KSR2: variants seen among roughly 807,000 people sequenced by gnomAD.
KSR2 encodes kinase suppressor of ras 2.
KSR2 carries 25 observed loss-of-function variants against 107.8 expected under a neutral mutation model. That is an observed-to-expected ratio of 0.23 (90% CI 0.17 to 0.32). The LOEUF is 0.32. Ranked by LOEUF, KSR2 falls within the 10% of genes least tolerant of loss-of-function variation. The pLI, the probability that KSR2 is intolerant of heterozygous loss-of-function variation, is 1.00. For missense variants in KSR2, 887 were observed against 1,268.9 expected (o/e 0.70, Z 4.57); for synonymous variants, 480 against 507.0 (o/e 0.95, Z 0.71).
chr12:117,839,244 C>T (rs1226601066), intron 3 of KSR2, among the ~76,000 whole-genome samples: 2 of 152,176 alleles, frequency 1.3e-5, no homozygotes, highest in African/African-American at 2.4e-5. Context: ...TTCATTTGTT[C>T]GTTAATTCAT....
At chr12:117,720,651 A>G (rs1887171114) in intron 4 of KSR2, among the ~76,000 whole-genome samples, 1 of 152,220 alleles carries the variant, frequency 6.6e-6, no homozygotes, top group South Asian at 2.1e-4. Flanking sequence ...AAGGGCTCAA[A>G]CATCAGACTG....
intron 4 of KSR2, chr12:117,674,257 G>C (rs1168553930): frequency 2.0e-6 from 1 of 502,112 alleles, no homozygotes. Flanking sequence ...CCAATGTTCT[G>C]GTCCAAGCCA....
At chr12:117,777,833 C>A (rs994142609) in intron 3 of KSR2, among the ~76,000 whole-genome samples, 2 of 151,978 alleles carry the variant, frequency 1.3e-5, no homozygotes, top group Non-Finnish European at 2.9e-5. Flanking sequence ...GAGTTTGAGG[C>A]CAGCCTGGGC....
At chr12:117,915,038 G>A (rs891662722) in intron 1 of KSR2, among the ~76,000 whole-genome samples, 4 of 152,150 alleles carry the variant, frequency 2.6e-5, no homozygotes, top group Non-Finnish European at 5.9e-5. Context: ...ATACAAGGTC[G>A]CCTAAAGCCG....
intron 5 of KSR2, among the ~76,000 whole-genome samples, chr12:117,608,901 G>T (rs1462944909): frequency 6.6e-6 from 1 of 152,110 alleles, no homozygotes; most frequent in Non-Finnish European, 1.5e-5. Context: ...CTTGTACACA[G>T]TTGGGGGGTA....
At chr12:117,870,080 A>G (rs1893600920) in intron 1 of KSR2, among the ~76,000 whole-genome samples, 1 of 152,204 alleles carries the variant, frequency 6.6e-6, no homozygotes, top group Admixed American at 6.5e-5. Flanking sequence ...ACACTATGCT[A>G]GGAGCTGTTC....
chr12:117,633,949 A>G (rs1034491903), intron 5 of KSR2, among the ~76,000 whole-genome samples: 4 of 152,314 alleles, frequency 2.6e-5, no homozygotes, highest in Admixed American at 2.6e-4. Flanking sequence ...CATATGGACC[A>G]GGCAGCCCTG....
intron 14 of KSR2, among the ~76,000 whole-genome samples, chr12:117,520,668 G>T (rs914431830): frequency 1.3e-5 from 2 of 152,064 alleles, no homozygotes; most frequent in African/African-American, 4.8e-5. Flanking sequence ...ATCTCCCTTT[G>T]TGCACCCACC....
intron 3 of KSR2, among the ~76,000 whole-genome samples, chr12:117,819,622 G>A (rs1181601017): frequency 3.3e-5 from 5 of 152,096 alleles, no homozygotes; most frequent in East Asian, 1.9e-4. Flanking sequence ...AAAATCTCAC[G>A]TTCAAAAGAA....
At chr12:117,830,747 A>G (rs1321242097) in intron 3 of KSR2, among the ~76,000 whole-genome samples, 2 of 152,176 alleles carry the variant, frequency 1.3e-5, no homozygotes, top group African/African-American at 2.4e-5. Context: ...CTCTAAAAAG[A>G]CAGCTGCAAC....
chr12:117,530,741 ATC>A (rs1875562053), intron 12 of KSR2, among the ~76,000 whole-genome samples, 198 bp downstream of exon 12: 1 of 152,124 alleles, frequency 6.6e-6, no homozygotes, highest in African/African-American at 2.4e-5. Flanking sequence ...CTCTCTCTCC[ATC>A]TCTCTGTCTG....
At chr12:117,604,646 T>C (rs1881133247) in intron 5 of KSR2, among the ~76,000 whole-genome samples, 1 of 152,168 alleles carries the variant, frequency 6.6e-6, no homozygotes, top group African/African-American at 2.4e-5. Context: ...TTTCCTAATT[T>C]TTATAGAAGC....
rs910252905 is a variant in KSR2 at position 117,897,680 on chromosome 12, T to A, written c.181-37249A>T. ...GAGGTTGGTAATTTTCCTATTTTTTTAAATGTGAGCTAGGTGACTTGGGTG... is the reference window on the plus strand; with the variant it reads ...GAGGTTGGTAATTTTCCTATTTTTTAAAATGTGAGCTAGGTGACTTGGGTG... On this transcript the variant is annotated intron_variant, in intron 1 of 19. Transcript: ENST00000339824. The surrounding 1 kb of genome is among the most constrained non-coding windows in gnomAD (Gnocchi z 4.5). Among the ~76,000 whole-genome samples, 1 of 152,052 alleles carries A rather than the reference T, an allele frequency of 6.6e-6. No homozygotes were observed. The highest frequency in any genetic ancestry group is 1.5e-5 in the Non-Finnish European group (1 of 68,018).
intron 14 of KSR2, among the ~76,000 whole-genome samples, chr12:117,516,256 G>A (rs746009991): frequency 2.6e-5 from 4 of 152,122 alleles, no homozygotes; most frequent in South Asian, 2.1e-4. Flanking sequence ...CCAACCTTTC[G>A]TCCAAGCTTG....
chr12:117,916,688 C>T (rs1593366842), intron 1 of KSR2, among the ~76,000 whole-genome samples: 1 of 152,106 alleles, frequency 6.6e-6, no homozygotes, highest in Non-Finnish European at 1.5e-5. Context: ...TCACTCCTAC[C>T]ACTCTTTCTT....
At chr12:117,698,331 T>G (rs1886157353) in intron 4 of KSR2, among the ~76,000 whole-genome samples, 1 of 152,094 alleles carries the variant, frequency 6.6e-6, no homozygotes, top group South Asian at 2.1e-4. Flanking sequence ...CAGATTTTTT[T>G]TTTTTCTTTG....
At chr12:117,792,440 C>T (rs984376103) in intron 3 of KSR2, among the ~76,000 whole-genome samples, 2 of 152,136 alleles carry the variant, frequency 1.3e-5, no homozygotes, top group African/African-American at 4.8e-5. Context: ...CGCTGGTTAG[C>T]TTTTGGGCCT....
At chr12:117,615,214 TACACACACACACACACAC>T (rs57116320) in intron 5 of KSR2, among the ~76,000 whole-genome samples, 116 of 147,646 alleles carry the variant, frequency 7.9e-4, no homozygotes, top group Admixed American at 1.1e-3. Flanking sequence ...TCTCTTCAGT[TACACACACACACACACAC>T]ACACACACAC....
intron 4 of KSR2, 41 bp downstream of exon 4, chr12:117,760,970 C>A: frequency 2.5e-6 from 4 of 1,610,420 alleles, no homozygotes; most frequent in Non-Finnish European, 2.5e-6. Flanking sequence ...CCTCGCAGGC[C>A]GGGTTTCGAC....
Sources: gnomAD v4.1 joint callset for allele counts (sites outside exome capture counted in the v4.1 genomes callset) on GRCh38, gnomAD v4.1.1 for gene constraint, Gnocchi (gnomAD v3.1) non-coding constraint, MANE v1.5 for transcripts, NCBI Gene and HGNC (gene_info 2026-07-23, HGNC 2026-07-21) for gene names.